The following IL33 variants were observed in gnomAD, a reference collection of about 807,000 sequenced individuals.
IL33 encodes the protein interleukin 33, also known as interleukin-33.
In IL33, 37 loss-of-function variants were observed where a neutral mutation model predicts 27.3. The ratio of observed to expected loss-of-function variants is 1.36; its 90% CI spans 1.04 to 1.78. The LOEUF (loss-of-function observed/expected upper bound fraction) is 1.78, where lower values mean the gene tolerates loss of function less well. IL33 is among the 40% of genes most tolerant of loss of function. The pLI is 0.00. For synonymous variants in IL33, 132 were observed against 102.9 expected (o/e 1.28, Z -1.71); for missense variants, 406 against 311.4 (o/e 1.30, Z -2.29).
At chr9:6,226,185 T>A (rs533044523) in intron 1 of IL33, among the ~76,000 whole-genome samples, 73 of 151,986 alleles carry the variant, frequency 4.8e-4, no homozygotes, top group Admixed American at 7.9e-4. Flanking sequence ...TTTTTTTAAT[T>A]ATTTTTTTTT....
chr9:6,255,271 G>T (rs1816658152), intron 7 of IL33, among the ~76,000 whole-genome samples: 1 of 151,996 alleles, frequency 6.6e-6, no homozygotes, highest in Non-Finnish European at 1.5e-5. Context: ...AAAATATAAA[G>T]CTAACTAACA....
At position 6,256,201 on chromosome 9, in the gene IL33, C is replaced by T. The variant is rs757640969; in HGVS notation, c.*33C>T. 6.8e-7 allele frequency: 1 copy of T among 1,478,704 alleles called. No homozygotes were observed. Among genetic ancestry groups the T allele is most frequent in the Admixed American group, 1.7e-5 (1 of 59,328 alleles). The allele number at this position is 1,478,704 out of a possible 1,614,324, so 91.6% of individuals were successfully genotyped here. A position where few individuals can be genotyped will look rare whatever the true frequency, so the allele number is the denominator to read the frequency against. ...AAACCTGTGAGTCTTGGGTTGAGTA[C>T]CCAAATGCTACCACTGGAGAAGGAA... On this transcript the variant is annotated 3_prime_UTR_variant, in exon 8 of 8. Transcript: ENST00000682010.
At chr9:6,224,054 C>T (rs1818525572) in intron 1 of IL33, among the ~76,000 whole-genome samples, 1 of 152,166 alleles carries the variant, frequency 6.6e-6, no homozygotes, top group Non-Finnish European at 1.5e-5. Context: ...AGTCCTAGGC[C>T]AACCCCTTCT....
At chr9:6,221,712 T>C (rs950412711) in intron 1 of IL33, among the ~76,000 whole-genome samples, 3 of 152,186 alleles carry the variant, frequency 2.0e-5, no homozygotes, top group Non-Finnish European at 4.4e-5. Flanking sequence ...ATGCAGCAAC[T>C]AGTAACCTCT....
chr9:6,242,993 A>G (rs537822908), intron 2 of IL33, among the ~76,000 whole-genome samples: 1 of 152,114 alleles, frequency 6.6e-6, no homozygotes, highest in African/African-American at 2.4e-5. Flanking sequence ...GGAGGGACCA[A>G]CCTTTTTTCA....
At chr9:6,245,262 T>C (rs1394558629) in intron 2 of IL33, among the ~76,000 whole-genome samples, 2 of 152,192 alleles carry the variant, frequency 1.3e-5, no homozygotes, top group African/African-American at 4.8e-5. Context: ...TTTTAAAAAA[T>C]AGGATATTTT....
chr9:6,242,663 T>G (rs1051785969), intron 2 of IL33: 1 of 152,216 alleles, frequency 6.6e-6, no homozygotes, highest in African/African-American at 2.4e-5. Flanking sequence ...TAGAATGATG[T>G]CTTTTGTTTC....
chr9:6,255,170 T>C (rs1412334582), intron 7 of IL33, among the ~76,000 whole-genome samples: 3 of 152,124 alleles, frequency 2.0e-5, no homozygotes, highest in African/African-American at 7.2e-5. Flanking sequence ...TGATGTGTAA[T>C]TATAACTATT....
chr9:6,251,399 T>A (rs1816349255), intron 4 of IL33, 134 bp downstream of exon 4: 1 of 1,317,626 alleles, frequency 7.6e-7, no homozygotes, highest in African/African-American at 1.5e-5. Flanking sequence ...CATTTGCAGC[T>A]GATGTACCCA....
At chr9:6,232,852 C>A (rs891093195) in intron 1 of IL33, among the ~76,000 whole-genome samples, 7 of 152,198 alleles carry the variant, frequency 4.6e-5, no homozygotes, top group African/African-American at 1.7e-4. Context: ...CCCAAAAAAT[C>A]TCATTCTGAC....
In IL33 at chr9:6,257,406, C is replaced by CA. The variant is rs1816799676; in HGVS notation, c.*1242dup. ...TCTGTATCACCTGACCTCTGGATGCCAAAACGTTTATTCTGCTTTGTCTGT... is the reference window on the plus strand; with the variant it reads ...TCTGTATCACCTGACCTCTGGATGCCAAAAACGTTTATTCTGCTTTGTCTGT... On this transcript the variant is annotated 3_prime_UTR_variant, in exon 8 of 8. Coordinates refer to ENST00000682010, the MANE Select transcript of IL33 (RefSeq NM_033439.4). 1 of 152,518 alleles carries CA rather than the reference C, an allele frequency of 6.6e-6. No homozygotes were observed. The highest frequency in any genetic ancestry group is 6.5e-5 in the Admixed American group (1 of 15,272). 9.4% of individuals were successfully genotyped at this position (152,518 alleles called of 1,614,324 possible).
intron 7 of IL33, among the ~76,000 whole-genome samples, chr9:6,255,576 A>G (rs1269897616): frequency 6.6e-6 from 1 of 152,154 alleles, no homozygotes; most frequent in Non-Finnish European, 1.5e-5. Flanking sequence ...ATATTTACTC[A>G]TGTCTGTAGA....
chr9:6,254,370 C>T, intron 6 of IL33, 92 bp from the exon 7 acceptor site: 1 of 717,948 alleles, frequency 1.4e-6, no homozygotes, highest in Non-Finnish European at 2.1e-6. Flanking sequence ...TTTTATGTAA[C>T]ATCTTAGACT....
Position 6,251,188 on chromosome 9 carries a change from CT to C in IL33, c.267del (p.Thr90LeufsTer37), listed in dbSNP as rs1564071997. On this transcript the variant is annotated frameshift_variant, in exon 4 of 8. Transcript: ENST00000682010. LOFTEE classifies it high-confidence loss of function. ...HLVLAACQQQSTVECFAFGIS... is the reference protein window; with the variant it reads ...HLVLAACQQQXTVECFAFGIS... ...GTACTCGCTGCCTGTCAACAGCAGT[CT>C]ACTGTGGAGTGCTTTGCCTTTGGTA... 6.2e-7 allele frequency: 1 copy of C among 1,613,988 alleles called. No individual in the cohort carries two copies. The highest frequency in any genetic ancestry group is 1.7e-5 in the Admixed American group (1 of 60,024).
rs770406314 is a variant in IL33, at chr9:6,255,249, T to C, written c.612+696T>C. 3.0e-4 allele frequency among the ~76,000 whole-genome samples: 46 copies of C among 152,066 alleles called. 1 individual carries two copies. Among genetic ancestry groups the C allele is most frequent in the Admixed American group, 2.0e-3 (30 of 15,238 alleles). On this transcript the variant is annotated intron_variant, in intron 7 of 7. Transcript: ENST00000682010. ...AGAGCATAATATAGAAGATAAATTATACAAACACAGAAAAATATAAAGCTA... is the reference window on the plus strand; with the variant it reads ...AGAGCATAATATAGAAGATAAATTACACAAACACAGAAAAATATAAAGCTA...
chr9:6,239,090 C>T (rs1053742298), intron 1 of IL33, among the ~76,000 whole-genome samples: 6 of 152,088 alleles, frequency 3.9e-5, no homozygotes, highest in Admixed American at 2.6e-4. Context: ...GCAAAGTCCT[C>T]GGCAGAACTG....
rs1474404711 is a variant in IL33 at position 6,245,603 on chromosome 9, C to T, written c.91+3818C>T. Among the ~76,000 whole-genome samples the T allele has an allele frequency of 2.0e-5, 3 of 152,080 alleles. No individual in the cohort carries two copies. The South Asian group carries it at 6.2e-4, about 32-fold the overall frequency. On this transcript the variant is annotated intron_variant, in intron 2 of 7. Coordinates refer to ENST00000682010, the MANE Select transcript of IL33 (RefSeq NM_033439.4). ...CTGGTTAGAGGTCTACTGCATTAATCTAAGGGACTAATGATGAAGGTGTGA... is the reference window on the plus strand; with the variant it reads ...CTGGTTAGAGGTCTACTGCATTAATTTAAGGGACTAATGATGAAGGTGTGA...
At chr9:6,218,101 C>A (rs998216969) in intron 1 of IL33, among the ~76,000 whole-genome samples, 3 of 152,162 alleles carry the variant, frequency 2.0e-5, no homozygotes, top group Non-Finnish European at 4.4e-5. Context: ...TGAACTGAAT[C>A]ACACAGCTCG....
intron 2 of IL33, 71 bp from the exon 3 acceptor site, chr9:6,250,403 T>C (rs1816278380): frequency 1.9e-6 from 3 of 1,543,122 alleles, no homozygotes; most frequent in South Asian, 2.4e-5. Flanking sequence ...CTTGGTCTGC[T>C]ACACTCAGGA....
Sources: gnomAD v4.1 joint callset for allele counts (sites outside exome capture counted in the v4.1 genomes callset) on GRCh38, gnomAD v4.1.1 for gene constraint, MANE v1.5 for transcripts, NCBI Gene and HGNC (gene_info 2026-07-23, HGNC 2026-07-21) for gene names.